The following DLG2 variants were observed in gnomAD, a reference collection of about 807,000 sequenced individuals.
DLG2 encodes disks large homolog 2.
In DLG2, 45 loss-of-function variants were observed where a neutral mutation model predicts 132.5. That is an observed-to-expected ratio of 0.34 (90% CI 0.27 to 0.44). The LOEUF is 0.44. DLG2 is among the 20% of genes least tolerant of loss of function. The pLI is 1.00. For synonymous variants in DLG2, 424 were observed against 419.6 expected, an observed-to-expected ratio of 1.01 and a Z score of -0.13; for missense variants, 1,045 against 1,196.9, an observed-to-expected ratio of 0.87 and a Z score of 1.87.
At chr11:85,289,612 T>C (rs1339586775) in intron 3 of DLG2, among the ~76,000 whole-genome samples, 2 of 152,166 alleles carry the variant, frequency 1.3e-5, no homozygotes, top group Non-Finnish European at 2.9e-5. Context: ...GTAAAATGTG[T>C]TAAAACATAC....
intron 6 of DLG2, among the ~76,000 whole-genome samples, chr11:84,894,383 A>AG (rs2089896379): frequency 6.6e-6 from 1 of 152,042 alleles, no homozygotes; most frequent in South Asian, 2.1e-4. Flanking sequence ...TTACCACTCA[A>AG]GCTTCATGAA....
intron 6 of DLG2, among the ~76,000 whole-genome samples, chr11:84,597,285 G>A (rs919053502): frequency 1.3e-5 from 2 of 152,128 alleles, no homozygotes; most frequent in Non-Finnish European, 2.9e-5. Context: ...GAGTCTAACT[G>A]CGAAGACAGC....
intron 6 of DLG2, among the ~76,000 whole-genome samples, chr11:85,014,784 C>T (rs3907015): frequency 0.51 from 78,078 of 151,968 alleles, 20,395 homozygotes; most frequent in East Asian, 0.63. Context: ...GTCCTTTCTA[C>T]CTGTCCAGGG....
chr11:85,455,148 T>A (rs1369237141), intron 3 of DLG2, among the ~76,000 whole-genome samples: 1 of 152,328 alleles, frequency 6.6e-6, no homozygotes, highest in African/African-American at 2.4e-5. Context: ...ATTCTCCCTA[T>A]CCATGAGCAT....
chr11:83,627,931 T>C (rs2062884475), intron 19 of DLG2, among the ~76,000 whole-genome samples: 1 of 152,208 alleles, frequency 6.6e-6, no homozygotes, highest in African/African-American at 2.4e-5. Context: ...TGGTATCTTA[T>C]TGTGGTTTTG....
intron 6 of DLG2, among the ~76,000 whole-genome samples, chr11:84,934,528 T>TC: frequency 7.7e-6 from 1 of 129,534 alleles, no homozygotes; most frequent in Admixed American, 8.0e-5. Flanking sequence ...TTGTTTTGTT[T>TC]TTTTTTTTTT....
At chr11:85,065,560 TA>T (rs911737719) in intron 6 of DLG2, among the ~76,000 whole-genome samples, 2 of 142,574 alleles carry the variant, frequency 1.4e-5, no homozygotes, top group Non-Finnish European at 3.2e-5. Flanking sequence ...TTAATTTTAT[TA>T]AAAATTTTTT....
intron 7 of DLG2, among the ~76,000 whole-genome samples, chr11:84,407,167 T>C (rs149372618): frequency 5.5e-4 from 84 of 152,300 alleles, no homozygotes; most frequent in Non-Finnish European, 9.1e-4. Context: ...TGAATCTCTC[T>C]TTTGGAGACA....
At chr11:84,410,033 A>G (rs150426002) in intron 7 of DLG2, among the ~76,000 whole-genome samples, 1 of 152,338 alleles carries the variant, frequency 6.6e-6, no homozygotes, top group African/African-American at 2.4e-5. Flanking sequence ...CATACAGTAC[A>G]TGAATGACAA....
intron 21 of DLG2, among the ~76,000 whole-genome samples, chr11:83,516,686 T>C (rs1043064874): frequency 3.3e-5 from 5 of 152,224 alleles, no homozygotes; most frequent in South Asian, 4.1e-4. Context: ...CCATGTTTAG[T>C]GCTTCCTTCA....
intron 7 of DLG2, among the ~76,000 whole-genome samples, chr11:84,438,785 C>G (rs1182137043): frequency 6.6e-6 from 1 of 152,184 alleles, no homozygotes; most frequent in African/African-American, 2.4e-5. Context: ...GCAAGGAAAG[C>G]CTGCCTTCCA....
At chr11:85,437,348 T>C (rs1337793400) in intron 3 of DLG2, among the ~76,000 whole-genome samples, 1 of 151,704 alleles carries the variant, frequency 6.6e-6, no homozygotes, top group East Asian at 1.9e-4. Context: ...GAAACAATGA[T>C]ACATATTTTC....
At chr11:85,424,399 C>T (rs894000802) in intron 3 of DLG2, among the ~76,000 whole-genome samples, 5 of 152,256 alleles carry the variant, frequency 3.3e-5, no homozygotes, top group African/African-American at 1.2e-4. Context: ...CTCTGTCCAT[C>T]CAAGTCAGAG....
At chr11:84,095,138 G>T (rs2097148441) in intron 10 of DLG2, among the ~76,000 whole-genome samples, 1 of 152,102 alleles carries the variant, frequency 6.6e-6, no homozygotes, top group Non-Finnish European at 1.5e-5. Context: ...ACTGCAGAAG[G>T]AAATGTAGAA....
At chr11:83,580,200 T>G (rs977378656) in intron 19 of DLG2, among the ~76,000 whole-genome samples, 1 of 152,280 alleles carries the variant, frequency 6.6e-6, no homozygotes, top group Middle Eastern at 3.4e-3. Flanking sequence ...GCAACATCAT[T>G]GTACTCATGT....
intron 6 of DLG2, among the ~76,000 whole-genome samples, chr11:84,835,916 A>C (rs1218263424): frequency 6.6e-6 from 1 of 151,748 alleles, no homozygotes; most frequent in Non-Finnish European, 1.5e-5. Context: ...CAGAAACTCA[A>C]ATAACCTTAA....
chr11:83,893,028 G>A (rs572545944), intron 15 of DLG2, among the ~76,000 whole-genome samples: 1 of 152,108 alleles, frequency 6.6e-6, no homozygotes, highest in Non-Finnish European at 1.5e-5. Context: ...ACTGAGTTCA[G>A]TTGAAAAATC....
chr11:83,874,434 G>A lies in DLG2; in HGVS notation c.1551C>T (p.Ala517=), dbSNP rs564333779. 9 of 1,598,240 alleles carry A rather than the reference G, an allele frequency of 5.6e-6. No individual in the cohort carries two copies. The highest frequency in any genetic ancestry group is 1.1e-5 in the South Asian group (1 of 88,594). Residue 517 remains alanine, a synonymous_variant, in exon 16 of 28, where the codon GCC becomes GCT. Coordinates refer to ENST00000376104, the MANE Select transcript of DLG2 (RefSeq NM_001142699.3). ...TRQPSMTLQR[A]VSLEGEPRKV... ...TATTATCTTACCCTTCCAGGGAGAC[G>A]GCCCGTTGGAGAGTCATTGAAGGCT...
Position 84,214,230 on chromosome 11 carries a change from C to CAT in DLG2, c.573+37006_573+37007dup, listed in dbSNP as rs777802617. Among the ~76,000 whole-genome samples the CAT allele has an allele frequency of 2.9e-3, 379 of 129,772 alleles. 11 individuals are homozygous for CAT. Among genetic ancestry groups the CAT allele is most frequent in the Middle Eastern group, 7.3e-3 (2 of 274 alleles). 85.1% of individuals were successfully genotyped at this position (129,772 alleles called of 152,430 possible). A position where few individuals can be genotyped will look rare whatever the true frequency, so the allele number is the denominator to read the frequency against. The stretch of plus-strand genomic sequence containing the variant: ...ACATATATATATGAATACATATATA[C>CAT]ATATATATGAATATATATATACATA... On this transcript the variant is annotated intron_variant, in intron 8 of 27. Transcript: ENST00000376104.
Sources: allele counts gnomAD v4.1 joint callset (sites outside exome capture counted in the v4.1 genomes callset), GRCh38; gene constraint gnomAD v4.1.1; transcripts MANE v1.5; gene names NCBI Gene and HGNC (gene_info 2026-07-23, HGNC 2026-07-21).